Variants in DAB1 observed in about 807,000 individuals in gnomAD.
The protein encoded by DAB1 is disabled homolog 1.
In DAB1, 15 loss-of-function variants were observed where a neutral mutation model predicts 64.6. That is an observed-to-expected ratio of 0.23 (90% confidence interval 0.16 to 0.36). The LOEUF is 0.36. Ranked by LOEUF, DAB1 falls within the 10% of genes least tolerant of loss-of-function variation. The probability of loss-of-function intolerance (pLI) is 1.00; values close to 1 mark genes in which losing one functional copy is unlikely to be tolerated. For missense variants in DAB1, 596 were observed against 706.7 expected, an observed-to-expected ratio of 0.84 and a Z score of 1.78; for synonymous variants, 235 against 251.9, an observed-to-expected ratio of 0.93 and a Z score of 0.64.
At chr1:58,455,439 C>T (rs1645184637) in intron 3 of DAB1, among the ~76,000 whole-genome samples, 1 of 152,238 alleles carries the variant, frequency 6.6e-6, no homozygotes, top group South Asian at 2.1e-4. Context: ...AGAGATGGTC[C>T]TCAGCAGAGA....
chr1:57,488,846 AAAT>A (rs1274243381), intron 7 of DAB1, among the ~76,000 whole-genome samples: 4 of 152,222 alleles, frequency 2.6e-5, no homozygotes, highest in East Asian at 1.9e-4. Flanking sequence ...CACAAAATGA[AAAT>A]AATAATAATA....
At chr1:57,316,880 C>G (rs1342988228) in intron 1 of DAB1, among the ~76,000 whole-genome samples, 1 of 152,184 alleles carries the variant, frequency 6.6e-6, no homozygotes, top group African/African-American at 2.4e-5. Flanking sequence ...TGATCCCTGT[C>G]TAATAATATT....
chr1:58,123,186 G>T lies in DAB1; in HGVS notation n.387+27325C>A, dbSNP rs185296330. On this transcript the variant is annotated intron_variant and non_coding_transcript_variant, in intron 5 of 20. Coordinates refer to the DAB1 transcript ENST00000485760. The stretch of plus-strand genomic sequence containing the variant: ...TCGCCATGACAGCATTTAGGCCCAT[G>T]GGGAGAGAAAAGACTCCATAGGATG... Among the ~76,000 whole-genome samples, 15 of 152,270 alleles carry T rather than the reference G, an allele frequency of 9.9e-5. 1 individual carries two copies. The East Asian group carries it at 2.7e-3, about 27-fold the overall frequency.
At chr1:58,240,507 T>G (rs1246885985) in intron 4 of DAB1, among the ~76,000 whole-genome samples, 1 of 152,186 alleles carries the variant, frequency 6.6e-6, no homozygotes, top group Non-Finnish European at 1.5e-5. Context: ...GACTGAGAAA[T>G]GTATTTGTAC....
chr1:57,143,756 T>A (rs986663814), intron 3 of DAB1, among the ~76,000 whole-genome samples: 9 of 151,956 alleles, frequency 5.9e-5, no homozygotes, highest in Non-Finnish European at 8.8e-5. Context: ...AAAGTAAAGG[T>A]GATGCCGATT....
chr1:58,013,388 T>G (rs1030135147), intron 5 of DAB1, among the ~76,000 whole-genome samples: 2 of 152,190 alleles, frequency 1.3e-5, no homozygotes, highest in African/African-American at 4.8e-5. Context: ...AAGGCCTCTC[T>G]GACCATTGTG....
intron 1 of DAB1, among the ~76,000 whole-genome samples, chr1:57,392,830 C>G (rs571851362): frequency 6.6e-6 from 1 of 152,110 alleles, no homozygotes; most frequent in Non-Finnish European, 1.5e-5. Context: ...GAGATGGGGA[C>G]AGTAGAATGT....
chr1:58,464,209 C>T (rs542234866), intron 3 of DAB1, among the ~76,000 whole-genome samples: 1 of 152,232 alleles, frequency 6.6e-6, no homozygotes, highest in South Asian at 2.1e-4. Context: ...GGTATCATAC[C>T]AGCTATACCA....
chr1:57,087,859 T>C (rs1410284189), intron 4 of DAB1, among the ~76,000 whole-genome samples: 1 of 152,214 alleles, frequency 6.6e-6, no homozygotes, highest in East Asian at 1.9e-4. Flanking sequence ...GGGCTTCCAC[T>C]GATGAATCTG....
intron 6 of DAB1, among the ~76,000 whole-genome samples, chr1:57,694,608 C>T (rs1414396421): frequency 6.6e-6 from 1 of 152,124 alleles, no homozygotes; most frequent in Non-Finnish European, 1.5e-5. Flanking sequence ...CAGGGGACCA[C>T]TGCTTTCCAT....
Position 57,165,250 on chromosome 1 carries a change from GT to G in DAB1, c.68-19822del, listed in dbSNP as rs148639954. Among the ~76,000 whole-genome samples the G allele has an allele frequency of 8.1e-3, 1,211 of 149,238 alleles. 19 individuals carry two copies. Among genetic ancestry groups the G allele is most frequent in the East Asian group, 0.071 (361 of 5,090 alleles). On this transcript the variant is annotated intron_variant, in intron 2 of 14. Transcript: ENST00000371236. Reference sequence around the variant, plus strand: ...TTTCTGCAAACAAAAGAAAAAATAGGTTTTTTTTTTAATCAGATAACAAAAG... The same window carrying G: ...TTTCTGCAAACAAAAGAAAAAATAGGTTTTTTTTTAATCAGATAACAAAAG...
chr1:57,498,673 G>T (rs954841945), intron 7 of DAB1, among the ~76,000 whole-genome samples: 3 of 152,182 alleles, frequency 2.0e-5, no homozygotes, highest in African/African-American at 7.2e-5. Flanking sequence ...AGAATAACAC[G>T]ATTTGTAATG....
rs192423658 is a variant in DAB1, at chr1:57,186,016, G to A, written c.68-40587C>T. Reference sequence around the variant, plus strand: ...CCATTAACTGTTTGGTTTCCTGAGAGCAGAGATTAGGGATCCTCAGTCTTG... The same window carrying A: ...CCATTAACTGTTTGGTTTCCTGAGAACAGAGATTAGGGATCCTCAGTCTTG... On this transcript the variant is annotated intron_variant, in intron 2 of 14. Coordinates refer to ENST00000371236, the MANE Select transcript of DAB1 (RefSeq NM_001365792.1). Among the ~76,000 whole-genome samples, 4 of 152,256 alleles carry A rather than the reference G, an allele frequency of 2.6e-5. No individual in the cohort carries two copies. In the East Asian group the frequency reaches 5.8e-4, roughly 22 times the overall value.
intron 7 of DAB1, among the ~76,000 whole-genome samples, chr1:57,639,863 C>T (rs1390693978): frequency 6.6e-6 from 1 of 152,106 alleles, no homozygotes; most frequent in Admixed American, 6.5e-5. Flanking sequence ...ATACAGAGTC[C>T]CACGGAAATC....
chr1:57,426,859 A>T (rs572777833), upstream of DAB1, among the ~76,000 whole-genome samples: 174 of 122,862 alleles, frequency 1.4e-3, 1 homozygote, highest in African/African-American at 4.6e-3. Flanking sequence ...TAAATGAGAT[A>T]ATATATATAT....
At chr1:58,317,572 G>A (rs887017105) in intron 4 of DAB1, among the ~76,000 whole-genome samples, 8 of 152,326 alleles carry the variant, frequency 5.3e-5, no homozygotes, top group South Asian at 4.1e-4. Context: ...TGCCCCCCTG[G>A]CTTGACAGCC....
chr1:57,341,075 G>C (rs367656366), intron 1 of DAB1, among the ~76,000 whole-genome samples: 74 of 152,236 alleles, frequency 4.9e-4, no homozygotes, highest in African/African-American at 1.8e-3. Context: ...TGAGGTGCCC[G>C]TTGGTCCCAT....
intron 2 of DAB1, among the ~76,000 whole-genome samples, chr1:57,218,058 T>A (rs942200418): frequency 3.3e-5 from 5 of 152,142 alleles, no homozygotes; most frequent in African/African-American, 1.2e-4. Flanking sequence ...AGTACCAAAA[T>A]ACTGCATTAT....
intron 1 of DAB1, among the ~76,000 whole-genome samples, chr1:57,423,332 G>A (rs1340801596): frequency 6.6e-6 from 1 of 152,000 alleles, no homozygotes; most frequent in East Asian, 1.9e-4. Context: ...AAGAAAGGCC[G>A]GGGTCCGAGG....
Sources: gnomAD v4.1 joint callset for allele counts (sites outside exome capture counted in the v4.1 genomes callset) on GRCh38, gnomAD v4.1.1 for gene constraint, MANE v1.5 for transcripts, NCBI Gene and HGNC (gene_info 2026-07-23, HGNC 2026-07-21) for gene names.